PLCH1: variants seen among roughly 807,000 people sequenced by gnomAD.
PLCH1 encodes 1-phosphatidylinositol 4,5-bisphosphate phosphodiesterase eta-1.
In PLCH1, 60 loss-of-function variants were observed where a neutral mutation model predicts 126.7. That is an observed-to-expected ratio of 0.47 (90% CI 0.38 to 0.59). The LOEUF is 0.59. PLCH1 is among the 20% of genes least tolerant of loss of function. The pLI, the probability that PLCH1 is intolerant of heterozygous loss-of-function variation, is 0.00. For synonymous variants in PLCH1, 719 were observed against 734.9 expected (o/e 0.98, Z 0.35); for missense variants, 1,723 against 2,040.0 (o/e 0.84, Z 2.99).
chr3:155,492,214 T>C (rs1416965476), intron 18 of PLCH1, among the ~76,000 whole-genome samples: 2 of 151,992 alleles, frequency 1.3e-5, no homozygotes, highest in Non-Finnish European at 2.9e-5. Context: ...GAAGGTATAA[T>C]GGAAACAATG....
intron 7 of PLCH1, among the ~76,000 whole-genome samples, chr3:155,567,872 G>T (rs111736077): frequency 6.6e-6 from 1 of 152,154 alleles, no homozygotes; most frequent in African/African-American, 2.4e-5. Context: ...CAAGTCACTA[G>T]TCTCAGGGAT....
At chr3:155,673,417 T>C (rs972909784) in intron 2 of PLCH1, among the ~76,000 whole-genome samples, 2 of 152,146 alleles carry the variant, frequency 1.3e-5, no homozygotes, top group African/African-American at 4.8e-5. Flanking sequence ...TCTCTATTAA[T>C]TGTACCCATT....
chr3:155,471,324 C>T (rs1713218178), intron 21 of PLCH1, among the ~76,000 whole-genome samples: 2 of 152,170 alleles, frequency 1.3e-5, no homozygotes, highest in South Asian at 4.1e-4. Context: ...TCAAAAGAGA[C>T]CAAGAAGGCC....
chr3:155,488,283 C>T (rs1348519041), intron 20 of PLCH1, among the ~76,000 whole-genome samples, 176 bp from the exon 21 acceptor site: 8 of 152,036 alleles, frequency 5.3e-5, no homozygotes, highest in African/African-American at 1.2e-4. Context: ...CTGCAAACCC[C>T]GCCTCCTGGG....
At chr3:155,696,822 C>T (rs1745851792) in intron 2 of PLCH1, among the ~76,000 whole-genome samples, 1 of 152,174 alleles carries the variant, frequency 6.6e-6, no homozygotes, top group African/African-American at 2.4e-5. Context: ...CCTGGCTGGA[C>T]TCTCAATGGC....
chr3:155,523,275 C>T (rs1410081979), intron 11 of PLCH1, among the ~76,000 whole-genome samples: 2 of 152,180 alleles, frequency 1.3e-5, no homozygotes, highest in East Asian at 3.9e-4. Context: ...CGCGCCAGGC[C>T]TAAATGATGC....
intron 1 of PLCH1, among the ~76,000 whole-genome samples, chr3:155,705,469 C>T (rs1382480483): frequency 6.6e-6 from 1 of 152,144 alleles, no homozygotes; most frequent in Non-Finnish European, 1.5e-5. Context: ...AGTCTTACTA[C>T]TGTATGGAAC....
chr3:155,708,656 G>T (rs1298235270), intron 1 of PLCH1, among the ~76,000 whole-genome samples: 1 of 152,116 alleles, frequency 6.6e-6, no homozygotes, highest in South Asian at 2.1e-4. Context: ...TATTTCCCCT[G>T]CATCTTGTAT....
At chr3:155,538,944 AC>A (rs200677125) in intron 10 of PLCH1, among the ~76,000 whole-genome samples, 1,766 of 52,644 alleles carry the variant, frequency 0.034, 38 homozygotes, top group African/African-American at 0.062. Context: ...AAAGGACATA[AC>A]AAAAAAAAAA....
chr3:155,492,180 A>G lies in PLCH1; in HGVS notation c.2307+549T>C, dbSNP rs147701047. Among the ~76,000 whole-genome samples, 86 of 151,882 alleles carry G rather than the reference A, an allele frequency of 5.7e-4. 2 individuals are homozygous for G. In the East Asian group the frequency reaches 0.017, roughly 29 times the overall value. The stretch of plus-strand genomic sequence containing the variant: ...GGGCATGAGCATAGGAGAAGCTGCT[A>G]TATAGCGAGAAAACAGAAGCCAAGA... On this transcript the variant is annotated intron_variant, in intron 18 of 22. Coordinates refer to ENST00000460012, the MANE Select transcript of PLCH1 (RefSeq NM_014996.4).
chr3:155,626,711 G>A (rs989071721), intron 2 of PLCH1, among the ~76,000 whole-genome samples: 13 of 137,000 alleles, frequency 9.5e-5, no homozygotes, highest in Non-Finnish European at 1.8e-4. Context: ...AGAGCTTGCA[G>A]TGAGCCGAGA....
intron 2 of PLCH1, among the ~76,000 whole-genome samples, chr3:155,638,159 T>G (rs1364377909): frequency 2.0e-5 from 3 of 152,236 alleles, no homozygotes; most frequent in Non-Finnish European, 4.4e-5. Context: ...AGTGTTCAGT[T>G]GTAAGAATGC....
intron 4 of PLCH1, among the ~76,000 whole-genome samples, chr3:155,588,980 A>G (rs1347180788): frequency 1.3e-5 from 2 of 152,240 alleles, no homozygotes; most frequent in Non-Finnish European, 2.9e-5. Flanking sequence ...GATATCTTAA[A>G]GATGTTCTTC....
intron 2 of PLCH1, among the ~76,000 whole-genome samples, chr3:155,631,868 C>G (rs976480320): frequency 2.0e-5 from 3 of 150,776 alleles, no homozygotes; most frequent in Non-Finnish European, 4.4e-5. Context: ...TTTAAATGCT[C>G]TTTCCCTACG....
intron 22 of PLCH1, among the ~76,000 whole-genome samples, chr3:155,484,594 AT>A (rs1006989711): frequency 1.3e-5 from 2 of 152,262 alleles, no homozygotes; most frequent in Admixed American, 6.5e-5. Context: ...TTGCAGAGAT[AT>A]CAAATGCACA....
chr3:155,559,758 C>A (rs1324310902), intron 8 of PLCH1, among the ~76,000 whole-genome samples: 11 of 152,068 alleles, frequency 7.2e-5, no homozygotes, highest in Admixed American at 5.9e-4. Flanking sequence ...CATACAGAGC[C>A]AAGTAGCTTC....
At chr3:155,696,621 C>A (rs1185017834) in intron 2 of PLCH1, among the ~76,000 whole-genome samples, 1 of 152,086 alleles carries the variant, frequency 6.6e-6, no homozygotes, top group African/African-American at 2.4e-5. Context: ...TAACACAGGT[C>A]TAAGGGGAAA....
At chr3:155,662,825 G>C (rs574023177) in intron 2 of PLCH1, among the ~76,000 whole-genome samples, 1 of 151,890 alleles carries the variant, frequency 6.6e-6, no homozygotes, top group Non-Finnish European at 1.5e-5. Flanking sequence ...CACCACGCCC[G>C]GCTACTTTTT....
intron 2 of PLCH1, among the ~76,000 whole-genome samples, chr3:155,653,118 GATAGATATAGATATAGAT>G (rs11275678): frequency 0.13 from 17,889 of 138,008 alleles, 1,269 homozygotes; most frequent in African/African-American, 0.19. Flanking sequence ...TATAGATGTA[GATAGATATAGATATAGAT>G]ATAGATATAG....
Sources: gnomAD v4.1 joint callset for allele counts (sites outside exome capture counted in the v4.1 genomes callset) on GRCh38, gnomAD v4.1.1 for gene constraint, MANE v1.5 for transcripts, NCBI Gene and HGNC (gene_info 2026-07-23, HGNC 2026-07-21) for gene names.